AK7: variants seen among roughly 807,000 people sequenced by gnomAD.
AK7 encodes ATP-AMP transphosphorylase 7.
A neutral mutation model predicts 96.6 loss-of-function variants in AK7; 78 were observed. The ratio of observed to expected loss-of-function variants is 0.81; its 90% CI spans 0.67 to 0.97. AK7 has a LOEUF of 0.97. AK7 is among the 50% of genes least tolerant of loss of function. AK7 has a pLI of 0.00. For synonymous variants in AK7, 302 were observed against 317.2 expected, an observed-to-expected ratio of 0.95 and a Z score of 0.51; for missense variants, 855 against 887.9, an observed-to-expected ratio of 0.96 and a Z score of 0.47.
intron 4 of AK7, among the ~76,000 whole-genome samples, chr14:96,414,766 T>TC (rs1891233636): frequency 6.8e-6 from 1 of 146,370 alleles, no homozygotes; most frequent in Admixed American, 6.8e-5. Flanking sequence ...TCTTTTTTTT[T>TC]TTTTTTTTTT....
chr14:96,393,217 C>T (rs1889859595), intron 1 of AK7, among the ~76,000 whole-genome samples: 3 of 152,148 alleles, frequency 2.0e-5, no homozygotes, highest in Admixed American at 2.0e-4. Flanking sequence ...TGGGTAGGAC[C>T]CGTCCATCTG....
intron 12 of AK7, among the ~76,000 whole-genome samples, chr14:96,464,462 T>C (rs1171169970): frequency 1.5e-5 from 2 of 137,548 alleles, no homozygotes; most frequent in East Asian, 4.4e-4. Flanking sequence ...CACAGGAGGA[T>C]GGCTTGAGCC....
At chr14:96,434,208 A>G (rs547544226) in intron 5 of AK7, among the ~76,000 whole-genome samples, 1 of 152,314 alleles carries the variant, frequency 6.6e-6, no homozygotes, top group East Asian at 1.9e-4. Flanking sequence ...TTGGGAAGGC[A>G]TTCCAGATAT....
intron 11 of AK7, 133 bp from the exon 12 acceptor site, chr14:96,457,950 T>G: frequency 8.0e-7 from 1 of 1,253,550 alleles, no homozygotes; most frequent in South Asian, 1.5e-5. Flanking sequence ...CTGCAAAATT[T>G]TGCATGACAG....
rs1296506159 is a variant in AK7, at chr14:96,424,145, CG to C, written c.609+3216del. 6 of 627,972 alleles carry C rather than the reference CG, an allele frequency of 9.6e-6. No homozygotes were observed. The Admixed American group carries it at 1.1e-4, about 11-fold the overall frequency. 38.9% of individuals were successfully genotyped at this position (627,972 alleles called of 1,614,324 possible). A position where few individuals can be genotyped will look rare whatever the true frequency, so the allele number is the denominator to read the frequency against. On this transcript the variant is annotated intron_variant, in intron 5 of 17. Coordinates refer to ENST00000267584, the MANE Select transcript of AK7 (RefSeq NM_152327.5). ...GCCACCCCGTGCAGGTGACATGCAG[CG>C]GGTGCTGCGGCTGTTCGTCCACTTC...
At chr14:96,457,387 G>A (rs1194416794) in intron 11 of AK7, among the ~76,000 whole-genome samples, 1 of 152,014 alleles carries the variant, frequency 6.6e-6, no homozygotes, top group East Asian at 1.9e-4. Flanking sequence ...TACTTTATTG[G>A]GAATTTTAAC....
At chr14:96,425,480 A>ATTTTTTTTTTT (rs35861988) in intron 5 of AK7, among the ~76,000 whole-genome samples, 1 of 119,142 alleles carries the variant, frequency 8.4e-6, no homozygotes, top group Admixed American at 1.0e-4. Flanking sequence ...AGTCACACTG[A>ATTTTTTTTTTT]TTTTTTTTTT....
intron 5 of AK7, among the ~76,000 whole-genome samples, chr14:96,422,384 G>T (rs910933777): frequency 6.6e-6 from 1 of 152,186 alleles, no homozygotes; most frequent in Non-Finnish European, 1.5e-5. Flanking sequence ...GAGACATGAA[G>T]CTAGACAACT....
chr14:96,426,656 G>A (rs569948239), intron 5 of AK7, among the ~76,000 whole-genome samples: 1 of 152,264 alleles, frequency 6.6e-6, no homozygotes, highest in South Asian at 2.1e-4. Flanking sequence ...CTCCATGCTT[G>A]AAGGAGATTT....
intron 7 of AK7, among the ~76,000 whole-genome samples, chr14:96,445,868 G>A (rs1218699422): frequency 6.6e-6 from 1 of 152,118 alleles, no homozygotes; most frequent in Non-Finnish European, 1.5e-5. Flanking sequence ...TCCAATCCCT[G>A]CTCTGCTTCT....
chr14:96,470,772 A>G (rs1480452584), intron 12 of AK7, among the ~76,000 whole-genome samples: 1 of 152,204 alleles, frequency 6.6e-6, no homozygotes, highest in African/African-American at 2.4e-5. Context: ...ACAAACATGA[A>G]TGCTATCTCA....
chr14:96,419,664 A>G (rs1285024715), intron 4 of AK7, among the ~76,000 whole-genome samples: 1 of 151,958 alleles, frequency 6.6e-6, no homozygotes, highest in East Asian at 1.9e-4. Context: ...TAATATTAAT[A>G]CCTTTATGGA....
Position 96,404,273 on chromosome 14 carries a change from G to A in AK7, c.295-484G>A, listed in dbSNP as rs74842808. Among the ~76,000 whole-genome samples the A allele has an allele frequency of 6.6e-4, 100 of 151,448 alleles. 3 individuals carry two copies. In the East Asian group the frequency reaches 0.017, roughly 26 times the overall value. ...GTTTCTGTATTTTTAAAATATTCCCGGCTGTCAACTGTAATAAGGTACCTT... is the reference window on the plus strand; with the variant it reads ...GTTTCTGTATTTTTAAAATATTCCCAGCTGTCAACTGTAATAAGGTACCTT... On this transcript the variant is annotated intron_variant, in intron 2 of 17. Transcript: ENST00000267584.
At chr14:96,397,954 T>A in intron 1 of AK7, 121 bp from the exon 2 acceptor site, 1 of 929,750 alleles carries the variant, frequency 1.1e-6, no homozygotes, top group Non-Finnish European at 1.6e-6. Context: ...TGCAAAGCAT[T>A]TGCTTTGCCT....
chr14:96,470,623 A>C (rs1894830840), intron 12 of AK7, among the ~76,000 whole-genome samples: 1 of 152,278 alleles, frequency 6.6e-6, no homozygotes, highest in Admixed American at 6.5e-5. Flanking sequence ...TGAGGTCAGA[A>C]ATGCCAACTG....
chr14:96,474,446 T>TAAAAAAAAA (rs1170896129), intron 14 of AK7, among the ~76,000 whole-genome samples: 1 of 101,466 alleles, frequency 9.9e-6, no homozygotes, highest in Non-Finnish European at 2.0e-5. Flanking sequence ...TCATATCTAC[T>TAAAAAAAAA]AAAAAAAAAA....
intron 4 of AK7, among the ~76,000 whole-genome samples, chr14:96,410,548 T>A (rs1234755318): frequency 6.6e-6 from 1 of 152,198 alleles, no homozygotes; most frequent in Admixed American, 6.5e-5. Flanking sequence ...CTACACTGAA[T>A]GGACTGAGAA....
intron 1 of AK7, among the ~76,000 whole-genome samples, chr14:96,395,088 C>T (rs1889990492): frequency 6.6e-6 from 1 of 152,164 alleles, no homozygotes. Context: ...TGGACTCGAG[C>T]TCCTGGGCTC....
chr14:96,480,290 G>A (rs1467940458), intron 15 of AK7, among the ~76,000 whole-genome samples: 1 of 152,046 alleles, frequency 6.6e-6, no homozygotes, highest in Non-Finnish European at 1.5e-5. Context: ...AAATTAGCTG[G>A]GCGTGGTGGT....
Sources: allele counts gnomAD v4.1 joint callset (sites outside exome capture counted in the v4.1 genomes callset), GRCh38; gene constraint gnomAD v4.1.1; transcripts MANE v1.5; gene names NCBI Gene and HGNC (gene_info 2026-07-23, HGNC 2026-07-21).